Variants in DNAH3 observed in about 807,000 individuals in gnomAD.
DNAH3 encodes axonemal beta dynein heavy chain 3.
In DNAH3, 332 loss-of-function variants were observed where a neutral mutation model predicts 432.5. That is an observed-to-expected ratio of 0.77 (90% confidence interval 0.70 to 0.84). The LOEUF (loss-of-function observed/expected upper bound fraction) is 0.84, where lower values mean the gene tolerates loss of function less well. Ranked by LOEUF, DNAH3 falls within the 40% of genes least tolerant of loss-of-function variation. The probability of loss-of-function intolerance (pLI) is 0.00; values close to 1 mark genes in which losing one functional copy is unlikely to be tolerated. For synonymous variants in DNAH3, 1,956 were observed against 1,900.2 expected (o/e 1.03, Z -0.76); for missense variants, 4,861 against 5,114.0 (o/e 0.95, Z 1.51).
exon 7 of DNAH3, chr16:21,134,375 C>T (rs751370910): frequency 2.5e-6 from 4 of 1,614,098 alleles, no homozygotes; most frequent in Non-Finnish European, 2.5e-6. Context: ...GGGCCCGGAT[C>T]ACTCTTTGAG....
chr16:21,087,551 A>G (rs2152780581), intron 18 of DNAH3, among the ~76,000 whole-genome samples: 1 of 152,216 alleles, frequency 6.6e-6, no homozygotes, highest in South Asian at 2.1e-4. Context: ...AAAAAGAAAA[A>G]AATTGTTATT....
intron 56 of DNAH3, 99 bp downstream of exon 56, chr16:20,952,333 AG>A: frequency 5.4e-6 from 4 of 735,718 alleles, no homozygotes; most frequent in Non-Finnish European, 1.0e-5. Context: ...ATGGTGAGGG[AG>A]GGAGGGAGTA....
chr16:21,030,459 A>G (rs1398352360), intron 37 of DNAH3, among the ~76,000 whole-genome samples: 2 of 152,180 alleles, frequency 1.3e-5, no homozygotes, highest in African/African-American at 4.8e-5. Flanking sequence ...CCAGGCATTG[A>G]GTGAAGACGC....
At chr16:21,141,908 C>T (rs895293803) in intron 3 of DNAH3, among the ~76,000 whole-genome samples, 12 of 151,694 alleles carry the variant, frequency 7.9e-5, no homozygotes, top group South Asian at 2.1e-4. Flanking sequence ...AAAAATTAGC[C>T]GGGCATTGCG....
chr16:20,969,242 G>A (rs1173335369), intron 52 of DNAH3, among the ~76,000 whole-genome samples: 1 of 151,362 alleles, frequency 6.6e-6, no homozygotes, highest in African/African-American at 2.4e-5. Flanking sequence ...GGCTCTGTGT[G>A]TGCATGTATG....
At chr16:21,147,272 T>A (rs1247241212) in intron 1 of DNAH3, among the ~76,000 whole-genome samples, 3 of 151,044 alleles carry the variant, frequency 2.0e-5, no homozygotes, top group Non-Finnish European at 4.4e-5. Flanking sequence ...CAGGCTAGAG[T>A]GCAATGGTAC....
chr16:21,061,044 G>T (rs12444892), intron 25 of DNAH3, among the ~76,000 whole-genome samples: 13,741 of 151,410 alleles, frequency 0.091, 687 homozygotes, highest in East Asian at 0.14. Context: ...TCTCTATGTT[G>T]CCCAGGCTGG....
In DNAH3 at chr16:21,074,439, C is replaced by T. The variant is rs145893179; in HGVS notation, c.3084+1008G>A. Among the ~76,000 whole-genome samples the T allele has an allele frequency of 1.9e-3, 294 of 152,176 alleles. 1 individual carries two copies. Among genetic ancestry groups the T allele is most frequent in the African/African-American group, 6.7e-3 (277 of 41,512 alleles). ...TTTAGGAATCAATGGTTGGGCCTGG[C>T]GTGGTGGCTCACACCTGTAATCCCA... is the stretch of plus-strand genomic sequence containing the variant. On this transcript the variant is annotated intron_variant, in intron 21 of 61. Coordinates refer to ENST00000261383, the Ensembl canonical transcript of DNAH3.
chr16:21,071,561 T>C (rs2090782835), intron 21 of DNAH3, among the ~76,000 whole-genome samples: 2 of 152,116 alleles, frequency 1.3e-5, no homozygotes, highest in African/African-American at 4.8e-5. Context: ...TTGCAGGGAA[T>C]AGGACTTCTA....
intron 5 of DNAH3, among the ~76,000 whole-genome samples, chr16:21,137,082 C>G (rs1375953281): frequency 4.6e-5 from 7 of 151,890 alleles, no homozygotes; most frequent in African/African-American, 1.7e-4. Flanking sequence ...TGCAGTGAGC[C>G]AAGGTCATGC....
At chr16:21,036,223 G>A (rs1259902304) in intron 35 of DNAH3, among the ~76,000 whole-genome samples, 2 of 152,118 alleles carry the variant, frequency 1.3e-5, no homozygotes, top group African/African-American at 4.8e-5. Flanking sequence ...CTACCCAGGA[G>A]GCTGAGGCAG....
intron 42 of DNAH3, 117 bp downstream of exon 42, chr16:21,002,987 T>C (rs2152692893): frequency 2.7e-6 from 2 of 727,476 alleles, no homozygotes; most frequent in Non-Finnish European, 4.8e-6. Flanking sequence ...CATGTTTAAA[T>C]ATTTTTCTAA....
chr16:20,950,925 C>T (rs559192329), intron 56 of DNAH3, among the ~76,000 whole-genome samples: 21 of 151,922 alleles, frequency 1.4e-4, no homozygotes, highest in East Asian at 1.9e-4. Context: ...TGTGCTCATG[C>T]GATCCTCCTG....
intron 1 of DNAH3, among the ~76,000 whole-genome samples, chr16:21,154,437 G>C (rs1416334063): frequency 2.0e-5 from 3 of 152,118 alleles, no homozygotes; most frequent in Non-Finnish European, 4.4e-5. Context: ...TCCTGATGTG[G>C]AGCTAATGGA....
intron 3 of DNAH3, among the ~76,000 whole-genome samples, chr16:21,142,095 G>A (rs879889477): frequency 6.6e-6 from 1 of 151,696 alleles, no homozygotes; most frequent in Non-Finnish European, 1.5e-5. Context: ...GGCCGGACAC[G>A]GTGGCTCATG....
At chr16:20,962,412 C>T (rs1365561921) in intron 53 of DNAH3, among the ~76,000 whole-genome samples, 2 of 152,162 alleles carry the variant, frequency 1.3e-5, no homozygotes, top group Admixed American at 1.3e-4. Context: ...TTAAACTCCC[C>T]AGGTGATTCC....
intron 19 of DNAH3, among the ~76,000 whole-genome samples, chr16:21,083,561 T>C (rs2091266321): frequency 6.6e-6 from 1 of 152,228 alleles, no homozygotes; most frequent in African/African-American, 2.4e-5. Flanking sequence ...TTTGCTGTTA[T>C]CTATAAAGTC....
At chr16:21,123,798 T>TA (rs893344041) in intron 9 of DNAH3, among the ~76,000 whole-genome samples, 1 of 145,300 alleles carries the variant, frequency 6.9e-6, no homozygotes, top group Admixed American at 6.9e-5. Flanking sequence ...GTTTTCTCTC[T>TA]TTTTTTTTTT....
At chr16:20,976,783 T>C (rs1287422723) in intron 50 of DNAH3, among the ~76,000 whole-genome samples, 1 of 152,184 alleles carries the variant, frequency 6.6e-6, no homozygotes, top group Non-Finnish European at 1.5e-5. Flanking sequence ...CTCTTCCCAC[T>C]GTGTGAGGAC....
Sources: allele counts gnomAD v4.1 joint callset (sites outside exome capture counted in the v4.1 genomes callset), GRCh38; gene constraint gnomAD v4.1.1; transcripts MANE v1.5; gene names NCBI Gene and HGNC (gene_info 2026-07-23, HGNC 2026-07-21).